COG6: variants seen among roughly 807,000 people sequenced by gnomAD.
COG6 encodes conserved oligomeric Golgi complex subunit 6.
In COG6, 74 loss-of-function variants were observed where a neutral mutation model predicts 88.8. The observed-to-expected ratio is 0.83, with a 90% confidence interval of 0.69 to 1.01. The LOEUF (loss-of-function observed/expected upper bound fraction) is 1.01. Ranked by LOEUF, COG6 falls within the 50% of genes least tolerant of loss-of-function variation. The pLI, the probability that COG6 is intolerant of heterozygous loss-of-function variation, is 0.00. For synonymous variants in COG6, 286 were observed against 278.7 expected (o/e 1.03, Z -0.26); for missense variants, 800 against 797.9 (o/e 1.00, Z -0.03).
intron 13 of COG6, among the ~76,000 whole-genome samples, chr13:39,699,833 T>C (rs1490850081): frequency 6.6e-6 from 1 of 151,830 alleles, no homozygotes; most frequent in African/African-American, 2.4e-5. Flanking sequence ...TAATTGGAGA[T>C]GGCATCTCAG....
Position 39,727,462 on chromosome 13 carries a change from C to G in COG6, c.1747-7C>G. 6.2e-7 allele frequency: 1 copy of G among 1,604,642 alleles called. No individual in the cohort carries two copies. The highest frequency in any genetic ancestry group is 2.2e-5 in the East Asian group (1 of 44,726). On this transcript the variant is annotated splice_polypyrimidine_tract_variant and splice_region_variant and intron_variant, in intron 17 of 18. Transcript: ENST00000455146. The stretch of plus-strand genomic sequence containing the variant: ...CTTTATATTTTGTATTTCTCTGTTT[C>G]ATTTAGGTTCAGTTTGATCGTTATC...
At chr13:39,775,698 T>G (rs1881443066) in intron 18 of COG6, among the ~76,000 whole-genome samples, 2 of 152,150 alleles carry the variant, frequency 1.3e-5, no homozygotes, top group Admixed American at 1.3e-4. Flanking sequence ...CGAAACAAAT[T>G]AAAGCATCTG....
At chr13:39,724,423 A>G in intron 16 of COG6, 85 bp from the exon 17 acceptor site, 1 of 1,069,750 alleles carries the variant, frequency 9.3e-7, no homozygotes, top group East Asian at 2.4e-5. Flanking sequence ...CAGTGCACTA[A>G]TGAACTATAT....
exon 19 of COG6, chr13:39,791,114 G>A (rs1440308389): frequency 2.0e-5 from 3 of 152,002 alleles, no homozygotes; most frequent in Non-Finnish European, 4.4e-5. Flanking sequence ...TGACAATCTC[G>A]CTAGCAAGAA....
rs1165700759 is a variant in COG6 at position 39,747,409 on chromosome 13, A to G, written c.1827-3537A>G. Among the ~76,000 whole-genome samples the G allele has an allele frequency of 2.0e-5, 3 of 152,130 alleles. No homozygotes were observed. The East Asian group carries it at 5.8e-4, about 29-fold the overall frequency. On this transcript the variant is annotated intron_variant, in intron 18 of 18. Coordinates refer to ENST00000455146, the MANE Select transcript of COG6 (RefSeq NM_020751.3). Reference sequence around the variant, plus strand: ...TTTAGCAGGCAGTTAGCAGGCCAGGAGGAGCAGTTCCTTATTCTTTGCTTT... The same window carrying G: ...TTTAGCAGGCAGTTAGCAGGCCAGGGGGAGCAGTTCCTTATTCTTTGCTTT...
At chr13:39,781,146 A>G (rs950274088) in intron 18 of COG6, among the ~76,000 whole-genome samples, 2 of 152,160 alleles carry the variant, frequency 1.3e-5, no homozygotes, top group African/African-American at 4.8e-5. Flanking sequence ...AGGAAAATAA[A>G]TGGAGGTGAA....
chr13:39,752,648 C>T (rs1436000997), downstream of COG6: 14 of 1,254,878 alleles, frequency 1.1e-5, no homozygotes, highest in Non-Finnish European at 1.4e-5. Flanking sequence ...GCAATTATTG[C>T]AGCTGTCCTG....
At position 39,750,981 on chromosome 13, in the gene COG6, G is replaced by T. The variant is rs1880590042; in HGVS notation, c.1862G>T (p.Cys621Phe). 6.2e-7 allele frequency: 1 copy of T among 1,613,464 alleles called. No individual in the cohort carries two copies. The highest frequency in any genetic ancestry group is 1.3e-5 in the African/African-American group (1 of 74,896). Residue 621 changes from cysteine (C) to phenylalanine (F), a missense_variant, in exon 19 of 19, where the codon TGC becomes TTC. By Grantham distance (205) the Cys-to-Phe change is radical. Coordinates refer to ENST00000455146, the MANE Select transcript of COG6 (RefSeq NM_020751.3). The part of the protein sequence containing the change: ...QIVKQSTELV[C>F]RAYGEVYAAV... ...GTAAAACAATCTACAGAATTAGTCT[G>T]CAGAGCCTATGGTGAAGTGTATGCA...
At chr13:39,692,702 T>C (rs572659793) in intron 11 of COG6, among the ~76,000 whole-genome samples, 6 of 152,084 alleles carry the variant, frequency 3.9e-5, no homozygotes, top group Non-Finnish European at 7.4e-5. Context: ...GGAGAGCCAC[T>C]GTTCTGTCTT....
In COG6 at chr13:39,752,194, C is replaced by A; in HGVS notation, c.*1101C>A. The stretch of plus-strand genomic sequence containing the variant: ...TAAATCTATAAAAATGGGTAAGTCC[C>A]TAAATTACAAATGAGAAAATTGAAG... On this transcript the variant is annotated 3_prime_UTR_variant, in exon 19 of 19. Coordinates refer to ENST00000455146, the MANE Select transcript of COG6 (RefSeq NM_020751.3). The A allele has an allele frequency of 1.8e-6, 2 of 1,122,420 alleles. No homozygotes were observed. Among genetic ancestry groups the A allele is most frequent in the Non-Finnish European group, 1.1e-6 (1 of 879,278 alleles). The allele number at this position is 1,122,420 out of a possible 1,614,324, so 69.5% of individuals were successfully genotyped here.
chr13:39,700,354 G>A (rs7337797), intron 13 of COG6, among the ~76,000 whole-genome samples: 39 of 151,902 alleles, frequency 2.6e-4, no homozygotes, highest in Admixed American at 6.6e-4. Context: ...TCCAGAATAC[G>A]TGGTCAATCT....
intron 18 of COG6, among the ~76,000 whole-genome samples, chr13:39,741,790 G>A (rs912192236): frequency 2.6e-5 from 4 of 151,686 alleles, no homozygotes; most frequent in African/African-American, 9.7e-5. Context: ...GCAACCCCAA[G>A]ACATATAATT....
intron 18 of COG6, among the ~76,000 whole-genome samples, chr13:39,740,824 A>G (rs528545892): frequency 1.2e-4 from 18 of 152,310 alleles, no homozygotes; most frequent in African/African-American, 4.1e-4. Flanking sequence ...TCTGTTTTTC[A>G]TAAGGATATT....
At chr13:39,727,829 T>C (rs1209094537) in intron 18 of COG6, among the ~76,000 whole-genome samples, 3 of 152,116 alleles carry the variant, frequency 2.0e-5, no homozygotes, top group African/African-American at 7.2e-5. Flanking sequence ...CCAAATTCCC[T>C]TACGTTAACA....
At chr13:39,785,093 T>C (rs1204560811) in intron 18 of COG6, among the ~76,000 whole-genome samples, 1 of 152,196 alleles carries the variant, frequency 6.6e-6, no homozygotes, top group Non-Finnish European at 1.5e-5. Context: ...CAGAGAACCT[T>C]TTTGAATGCC....
rs1386949126 is a variant in COG6 at position 39,659,473 on chromosome 13, A to G, written c.263A>G (p.Glu88Gly). 6.2e-7 allele frequency: 1 copy of G among 1,613,446 alleles called. No homozygotes were observed. The highest frequency in any genetic ancestry group is 1.3e-5 in the African/African-American group (1 of 74,898). Reference sequence around the variant, plus strand: ...GAACGTAAAAGTTTAGCCATCAATGAAGAATTTGTAAGCATTTTCAAGGAA... The same window carrying G: ...GAACGTAAAAGTTTAGCCATCAATGGAGAATTTGTAAGCATTTTCAAGGAA... ...DIERKSLAIN[E>G]EFVSIFKEVK... is the part of the protein sequence containing the mutation. Residue 88 changes from glutamate (E) to glycine (G), a missense_variant, in exon 2 of 19, where the codon GAA (glutamate) becomes GGA (glycine). Physicochemically the swap from Glu to Gly is moderately conservative, Grantham distance 98 (BLOSUM62 -2). Transcript: ENST00000455146.
chr13:39,678,985 G>A (rs970040947), intron 5 of COG6, among the ~76,000 whole-genome samples: 1 of 151,706 alleles, frequency 6.6e-6, no homozygotes, highest in Non-Finnish European at 1.5e-5. Context: ...GTTATTTTTC[G>A]TGGGTGGAAC....
intron 4 of COG6, among the ~76,000 whole-genome samples, chr13:39,674,812 A>G (rs1363573788): frequency 6.6e-6 from 1 of 152,102 alleles, no homozygotes; most frequent in Non-Finnish European, 1.5e-5. Context: ...CTCAGTAGTC[A>G]CTTAGTAGCC....
intron 13 of COG6, among the ~76,000 whole-genome samples, chr13:39,713,792 T>C (rs1297846275): frequency 6.6e-6 from 1 of 152,116 alleles, no homozygotes; most frequent in Admixed American, 6.6e-5. Context: ...CCATTAGAAA[T>C]GAATTTTACA....
Sources: gnomAD v4.1 joint callset for allele counts (sites outside exome capture counted in the v4.1 genomes callset) on GRCh38, gnomAD v4.1.1 for gene constraint, MANE v1.5 for transcripts, NCBI Gene and HGNC (gene_info 2026-07-23, HGNC 2026-07-21) for gene names.